CSMD1: variants seen among roughly 807,000 people sequenced by gnomAD.
CSMD1 encodes the protein CUB and Sushi multiple domains 1.
A neutral mutation model predicts 417.5 loss-of-function variants in CSMD1; 213 were observed. The ratio of observed to expected loss-of-function variants is 0.51; its 90% confidence interval spans 0.46 to 0.57. The LOEUF (loss-of-function observed/expected upper bound fraction) is 0.57. Among genes scored for constraint, CSMD1 ranks in the 20% least tolerant of loss-of-function variants. The pLI is 0.00. For synonymous variants in CSMD1, 2,862 were observed against 1,736.8 expected (o/e 1.65, Z -16.11); for missense variants, 6,923 against 4,529.7 (o/e 1.53, Z -15.17).
chr8:3,029,226 G>A, intron 51 of CSMD1, 93 bp downstream of exon 51: 1 of 978,368 alleles, frequency 1.0e-6, no homozygotes, highest in Non-Finnish European at 1.5e-6. Flanking sequence ...TATGGTAGAT[G>A]ATAGCTCCAC....
intron 5 of CSMD1, among the ~76,000 whole-genome samples, chr8:3,818,114 G>T (rs753580991): frequency 1.4e-4 from 22 of 152,072 alleles, no homozygotes; most frequent in Non-Finnish European, 1.3e-4. Flanking sequence ...TTCCCTGAGA[G>T]CCCAGGACCC....
chr8:4,720,567 G>A (rs1467067532), intron 1 of CSMD1, among the ~76,000 whole-genome samples: 4 of 152,006 alleles, frequency 2.6e-5, no homozygotes, highest in African/African-American at 9.7e-5. Context: ...AAAGGCACAT[G>A]CCACCATGCC....
chr8:4,444,104 G>A (rs1226016134), intron 2 of CSMD1, among the ~76,000 whole-genome samples: 1 of 152,020 alleles, frequency 6.6e-6, no homozygotes, highest in African/African-American at 2.4e-5. Flanking sequence ...CACTTTGGGA[G>A]GTCGAGGCAG....
chr8:3,823,344 C>G (rs913457827), intron 5 of CSMD1, among the ~76,000 whole-genome samples: 1 of 152,152 alleles, frequency 6.6e-6, no homozygotes, highest in Non-Finnish European at 1.5e-5. Context: ...ACCCAGTACT[C>G]TCATTTTTAA....
At chr8:3,801,749 C>T (rs778017915) in intron 5 of CSMD1, among the ~76,000 whole-genome samples, 16 of 152,144 alleles carry the variant, frequency 1.1e-4, no homozygotes, top group Non-Finnish European at 2.2e-4. Flanking sequence ...TGACTCTGGA[C>T]AAACTAATAT....
At chr8:4,016,605 G>A (rs1347721577) in intron 4 of CSMD1, among the ~76,000 whole-genome samples, 1 of 152,148 alleles carries the variant, frequency 6.6e-6, no homozygotes, top group Middle Eastern at 3.2e-3. Flanking sequence ...CCCAGATGAG[G>A]AAAATTATTT....
chr8:3,805,615 G>A lies in CSMD1; in HGVS notation c.819-51573C>T, dbSNP rs147611933. ...AGTTTTCCAGCTAAGAGTTATACCTGTAGAAAGGATATTACCTTGGTGGGG... is the reference window on the plus strand; with the variant it reads ...AGTTTTCCAGCTAAGAGTTATACCTATAGAAAGGATATTACCTTGGTGGGG... On this transcript the variant is annotated intron_variant, in intron 5 of 69. Coordinates refer to ENST00000635120, the MANE Select transcript of CSMD1 (RefSeq NM_033225.6). 1.3e-3 allele frequency among the ~76,000 whole-genome samples: 199 copies of A among 152,298 alleles called. 3 individuals carry two copies. Among genetic ancestry groups the A allele is most frequent in the Non-Finnish European group, 2.8e-4 (19 of 68,026 alleles).
intron 2 of CSMD1, among the ~76,000 whole-genome samples, chr8:4,613,874 A>AAAC (rs1554524903): frequency 1.3e-5 from 2 of 151,652 alleles, no homozygotes; most frequent in Non-Finnish European, 1.5e-5. Context: ...AAAAAAAAAA[A>AAAC]AAGAAAACGT....
At chr8:4,273,321 AG>A (rs1434876886) in intron 3 of CSMD1, among the ~76,000 whole-genome samples, 1 of 152,186 alleles carries the variant, frequency 6.6e-6, no homozygotes, top group Non-Finnish European at 1.5e-5. Context: ...TTATGTCAAA[AG>A]TCATGAAAGT....
At chr8:4,965,928 T>C (rs1809827853) in intron 1 of CSMD1, among the ~76,000 whole-genome samples, 1 of 152,200 alleles carries the variant, frequency 6.6e-6, no homozygotes, top group South Asian at 2.1e-4. Flanking sequence ...GTATGTAATT[T>C]GAGAATGATC....
rs114482807 is a variant in CSMD1, at chr8:4,145,764, G to A, written c.416-113665C>T. Among the ~76,000 whole-genome samples the A allele has an allele frequency of 4.6e-4, 69 of 151,194 alleles. 8 individuals are homozygous for A. Among genetic ancestry groups the A allele is most frequent in the African/African-American group, 1.7e-3 (67 of 40,526 alleles). The stretch of plus-strand genomic sequence containing the variant: ...CCAAAGTCAACACTGATTCCCTGCA[G>A]GTTCTGCGTCAGCTCGCACCATGAA... On this transcript the variant is annotated intron_variant, in intron 3 of 69. Transcript: ENST00000635120.
chr8:3,926,089 A>G, intron 5 of CSMD1, among the ~76,000 whole-genome samples: 1 of 31,964 alleles, frequency 3.1e-5, no homozygotes, highest in South Asian at 7.4e-4. Flanking sequence ...CCATACACAC[A>G]CACACACACA....
At chr8:4,047,362 G>C (rs769666494) in intron 3 of CSMD1, among the ~76,000 whole-genome samples, 1 of 152,150 alleles carries the variant, frequency 6.6e-6, no homozygotes, top group Non-Finnish European at 1.5e-5. Context: ...GAACGGTCCT[G>C]CTCATGGAAT....
intron 1 of CSMD1, among the ~76,000 whole-genome samples, chr8:4,845,579 A>T (rs960536252): frequency 1.3e-5 from 2 of 152,226 alleles, no homozygotes; most frequent in African/African-American, 2.4e-5. Flanking sequence ...TCTATAGTCA[A>T]CCAATATTTA....
At chr8:4,357,203 G>C (rs941612546) in intron 3 of CSMD1, among the ~76,000 whole-genome samples, 1 of 152,110 alleles carries the variant, frequency 6.6e-6, no homozygotes, top group African/African-American at 2.4e-5. Flanking sequence ...TTCTTAAGTA[G>C]CTAAGGGTTT....
At chr8:3,883,156 G>C (rs186060425) in intron 5 of CSMD1, among the ~76,000 whole-genome samples, 5 of 152,048 alleles carry the variant, frequency 3.3e-5, no homozygotes, top group African/African-American at 9.7e-5. Context: ...TGCAAGCTCA[G>C]GCCTTGGAAT....
chr8:3,726,237 A>G (rs898887871), intron 6 of CSMD1, among the ~76,000 whole-genome samples: 1 of 152,168 alleles, frequency 6.6e-6, no homozygotes, highest in Non-Finnish European at 1.5e-5. Flanking sequence ...CTGTAAACCC[A>G]TGAGAGGCTG....
intron 12 of CSMD1, among the ~76,000 whole-genome samples, chr8:3,410,203 T>G (rs968424430): frequency 1.4e-4 from 21 of 152,216 alleles, no homozygotes; most frequent in African/African-American, 4.6e-4. Context: ...CAAATGTTGA[T>G]CTGTCTCAAA....
intron 23 of CSMD1, among the ~76,000 whole-genome samples, chr8:3,326,469 T>G (rs1332834320): frequency 6.6e-6 from 1 of 152,228 alleles, no homozygotes; most frequent in Non-Finnish European, 1.5e-5. Flanking sequence ...ACTACCGTGC[T>G]ACAAAGACAC....
Sources: allele counts gnomAD v4.1 joint callset (sites outside exome capture counted in the v4.1 genomes callset), GRCh38; gene constraint gnomAD v4.1.1; transcripts MANE v1.5; gene names NCBI Gene and HGNC (gene_info 2026-07-23, HGNC 2026-07-21).